Variants in TRIM36 observed in about 807,000 individuals in gnomAD.
The protein encoded by TRIM36 is tripartite motif containing 36, also known as E3 ubiquitin-protein ligase TRIM36.
TRIM36 carries 42 observed loss-of-function variants against 72.4 expected under a neutral mutation model. That is an observed-to-expected ratio of 0.58 (90% CI 0.45 to 0.75). The LOEUF (loss-of-function observed/expected upper bound fraction) is 0.75. Ranked by LOEUF, TRIM36 falls within the 30% of genes least tolerant of loss-of-function variation. The pLI, the probability that TRIM36 is intolerant of heterozygous loss-of-function variation, is 0.00. For synonymous variants in TRIM36, 315 were observed against 282.8 expected, an observed-to-expected ratio of 1.11 and a Z score of -1.14; for missense variants, 913 against 857.1, an observed-to-expected ratio of 1.07 and a Z score of -0.81.
At chr5:115,154,648 A>G (rs769471542) in intron 2 of TRIM36, among the ~76,000 whole-genome samples, 1 of 152,200 alleles carries the variant, frequency 6.6e-6, no homozygotes, top group Non-Finnish European at 1.5e-5. Context: ...AGAATTAGAT[A>G]CTCTGAACAG....
chr5:115,164,557 C>A (rs1286736758), intron 1 of TRIM36, among the ~76,000 whole-genome samples: 1 of 152,150 alleles, frequency 6.6e-6, no homozygotes, highest in East Asian at 1.9e-4. Context: ...CTTACAAAAC[C>A]ATCAGATCTT....
chr5:115,168,455 G>C (rs1417792607), intron 1 of TRIM36, among the ~76,000 whole-genome samples: 1 of 152,136 alleles, frequency 6.6e-6, no homozygotes, highest in Non-Finnish European at 1.5e-5. Flanking sequence ...AATCATTTCA[G>C]CTACTAGAAA....
chr5:115,141,211 G>T (rs1753259319), intron 5 of TRIM36, 68 bp downstream of exon 5: 3 of 1,172,300 alleles, frequency 2.6e-6, no homozygotes, highest in Non-Finnish European at 2.4e-6. Flanking sequence ...AGGATTTTAT[G>T]AACAAATGAA....
chr5:115,167,267 C>T (rs1037885543), intron 1 of TRIM36, among the ~76,000 whole-genome samples: 2 of 152,192 alleles, frequency 1.3e-5, no homozygotes, highest in Admixed American at 6.5e-5. Flanking sequence ...TTCATTAATG[C>T]ACCTGTTTGG....
chr5:115,154,726 AT>A (rs1425630136), intron 2 of TRIM36, among the ~76,000 whole-genome samples: 1 of 152,236 alleles, frequency 6.6e-6, no homozygotes, highest in Non-Finnish European at 1.5e-5. Flanking sequence ...CCAGGACCAG[AT>A]GGATTCACAG....
intron 2 of TRIM36, 41 bp downstream of exon 2, chr5:115,163,477 T>C: frequency 6.5e-7 from 1 of 1,540,814 alleles, no homozygotes; most frequent in Non-Finnish European, 9.0e-7. Flanking sequence ...ATCTATAAGC[T>C]TACCCCCACT....
chr5:115,129,940 G>A (rs774632248), intron 9 of TRIM36, among the ~76,000 whole-genome samples: 2 of 152,012 alleles, frequency 1.3e-5, no homozygotes, highest in African/African-American at 2.4e-5. Context: ...TTTCTATCAA[G>A]TGGACATGTC....
Position 115,179,984 on chromosome 5 carries a change from A to T in TRIM36, c.54T>A (p.Ala18=), listed in dbSNP as rs1466558936. 3.7e-6 allele frequency: 6 copies of T among 1,613,938 alleles called. No homozygotes were observed. The South Asian group carries it at 6.6e-5, about 18-fold the overall frequency. Reference sequence around the variant, plus strand: ...GCGCCTCATCACTTACCTTGCCTTTAGCTATCAATTCCATGATGTAGCCAA... The same window carrying T: ...GCGCCTCATCACTTACCTTGCCTTTTGCTATCAATTCCATGATGTAGCCAA... Residue 18 remains alanine (A), a synonymous_variant, in exon 1 of 10, where the codon GCT becomes GCA. Coordinates refer to the TRIM36 transcript ENST00000282369.
At position 115,136,237 on chromosome 5, in the gene TRIM36, G is replaced by C. The variant is rs72811785; in HGVS notation, c.1210+763C>G. Among the ~76,000 whole-genome samples the C allele has an allele frequency of 1.9e-3, 290 of 152,016 alleles. 4 individuals carry two copies. Among genetic ancestry groups the C allele is most frequent in the Middle Eastern group, 3.4e-3 (1 of 294 alleles). ...AAATTAAATTAAAATCAGGTCATTA[G>C]AATGGGCCCTACTCCAATATGACTG... is the stretch of plus-strand genomic sequence containing the variant. On this transcript the variant is annotated intron_variant, in intron 7 of 9. Coordinates refer to ENST00000513154, the MANE Select transcript of TRIM36 (RefSeq NM_001300759.2).
chr5:115,172,841 A>G (rs1306705900), upstream of TRIM36, among the ~76,000 whole-genome samples: 3 of 152,250 alleles, frequency 2.0e-5, no homozygotes, highest in Non-Finnish European at 4.4e-5. Context: ...CATCTGGAAT[A>G]GAGCACAAAA....
At chr5:115,127,999 T>C (rs1752442713) in intron 9 of TRIM36, among the ~76,000 whole-genome samples, 1 of 151,586 alleles carries the variant, frequency 6.6e-6, no homozygotes, top group African/African-American at 2.4e-5. Context: ...CTATTATGTT[T>C]GTGTCTTCAT....
intron 2 of TRIM36, among the ~76,000 whole-genome samples, chr5:115,163,005 TG>T (rs1185167071): frequency 6.6e-6 from 1 of 151,784 alleles, no homozygotes; most frequent in African/African-American, 2.4e-5. Context: ...TTGCCCAGGC[TG>T]GAGTGCAATG....
intron 1 of TRIM36, chr5:115,179,825 G>C: frequency 1.4e-6 from 1 of 707,206 alleles, no homozygotes; most frequent in African/African-American, 1.8e-5. Flanking sequence ...TTCCGCAGCT[G>C]CTGGGACGCC....
At chr5:115,151,809 AG>A (rs1214319420) in intron 2 of TRIM36, among the ~76,000 whole-genome samples, 2 of 152,214 alleles carry the variant, frequency 1.3e-5, no homozygotes, top group East Asian at 3.8e-4. Context: ...ACTCCCAGGA[AG>A]GCACATCCAT....
intron 2 of TRIM36, among the ~76,000 whole-genome samples, chr5:115,151,017 T>C (rs768759747): frequency 5.9e-5 from 9 of 152,174 alleles, no homozygotes; most frequent in African/African-American, 1.2e-4. Flanking sequence ...TTTGAACTGA[T>C]GGAGAAGCCT....
rs548155136 is a variant in TRIM36, at chr5:115,133,922, T to A, written c.1436A>T (p.Tyr479Phe). Residue 479 changes from tyrosine to phenylalanine, a missense_variant, in exon 8 of 10, where the codon TAC becomes TTC. By Grantham distance (22) the Tyr-to-Phe change is conservative (BLOSUM62 3). Transcript: ENST00000513154. ...GCAAGGACTACAGATTGAACCCTTG[T>A]AAGCTCTTACTCTGAAAGCATAGGT... ...SSTYAFRVRAYKGSICSPCSR... is the reference protein window; with the variant it reads ...SSTYAFRVRAFKGSICSPCSR... 1 of 1,613,426 alleles carries A rather than the reference T, an allele frequency of 6.2e-7. No homozygotes were observed. Among genetic ancestry groups the A allele is most frequent in the Non-Finnish European group, 8.5e-7 (1 of 1,179,804 alleles).
chr5:115,156,440 A>C (rs936867243), intron 2 of TRIM36, among the ~76,000 whole-genome samples: 1 of 152,220 alleles, frequency 6.6e-6, no homozygotes, highest in Non-Finnish European at 1.5e-5. Flanking sequence ...TAGTCACTGA[A>C]ACAGTATGGT....
chr5:115,135,728 A>T (rs1023567291), intron 7 of TRIM36, among the ~76,000 whole-genome samples: 2 of 152,210 alleles, frequency 1.3e-5, no homozygotes, highest in African/African-American at 4.8e-5. Flanking sequence ...TACATTTTGG[A>T]AACACAGTAT....
At chr5:115,175,626 T>C (rs192157449) in intron 1 of TRIM36, among the ~76,000 whole-genome samples, 2 of 152,234 alleles carry the variant, frequency 1.3e-5, no homozygotes, top group East Asian at 3.9e-4. Flanking sequence ...AACATCCTTT[T>C]ACAAAGTAGT....
Sources: gnomAD v4.1 joint callset for allele counts (sites outside exome capture counted in the v4.1 genomes callset) on GRCh38, gnomAD v4.1.1 for gene constraint, MANE v1.5 for transcripts, NCBI Gene and HGNC (gene_info 2026-07-23, HGNC 2026-07-21) for gene names.